Variants in MAP4 observed in about 807,000 individuals in gnomAD.
The protein encoded by MAP4 is microtubule-associated protein 4.
Under a neutral mutation model 170.2 loss-of-function variants are expected in MAP4, and 76 were observed. The observed-to-expected ratio is 0.45, with a 90% CI of 0.37 to 0.54. The LOEUF (loss-of-function observed/expected upper bound fraction) is 0.54, where lower values mean the gene tolerates loss of function less well. Ranked by LOEUF, MAP4 falls within the 20% of genes least tolerant of loss-of-function variation. The pLI is 0.00. For synonymous variants in MAP4, 909 were observed against 994.5 expected, an observed-to-expected ratio of 0.91 and a Z score of 1.62; for missense variants, 2,506 against 2,748.0, an observed-to-expected ratio of 0.91 and a Z score of 1.97.
At chr3:47,866,359 C>G (rs574377083) in intron 17 of MAP4, among the ~76,000 whole-genome samples, 233 of 148,988 alleles carry the variant, frequency 1.6e-3, no homozygotes, top group African/African-American at 5.4e-3. Flanking sequence ...AACAAACAAA[C>G]AAACAAACAA....
chr3:47,862,473 A>G (rs1470415214), intron 17 of MAP4, among the ~76,000 whole-genome samples: 1 of 150,962 alleles, frequency 6.6e-6, no homozygotes, highest in Non-Finnish European at 1.5e-5. Context: ...TATATGGATC[A>G]ATTTTTTCCT....
chr3:47,874,337 C>G lies in MAP4; in HGVS notation c.5757+1348G>C, dbSNP rs1031366230. 2.0e-5 allele frequency among the ~76,000 whole-genome samples: 3 copies of G among 152,146 alleles called. No homozygotes were observed. In the South Asian group the frequency reaches 6.2e-4, roughly 32 times the overall value. On this transcript the variant is annotated intron_variant, in intron 12 of 20. Coordinates refer to ENST00000683076, the MANE Select transcript of MAP4 (RefSeq NM_001385682.1). Reference sequence around the variant, plus strand: ...ACAAAAAATTAGCCAGGCGTGGTGGCGGGTGCCTGTAATCCCAGCTACTCG... The same window carrying G: ...ACAAAAAATTAGCCAGGCGTGGTGGGGGGTGCCTGTAATCCCAGCTACTCG...
Position 47,909,120 on chromosome 3 carries a change from G to T in MAP4, c.5301C>A (p.Pro1767=). ...MAEPMKGYMR[P]TKSRGLTPLL... ...GTGGAGTAAGTCCTCGGGACTTGGT[G>T]GGTCTCATGTAGCCTTTCATTGGTT... The change falls in exon 9 of 21, where the codon CCC becomes CCA. Residue 1767 remains proline, a synonymous_variant. Transcript: ENST00000683076. 6.2e-7 allele frequency: 1 copy of T among 1,613,850 alleles called. No individual in the cohort carries two copies. The highest frequency in any genetic ancestry group is 1.1e-5 in the South Asian group (1 of 91,068).
At chr3:47,934,222 T>A (rs560120421) in intron 3 of MAP4, among the ~76,000 whole-genome samples, 186 of 152,230 alleles carry the variant, frequency 1.2e-3, no homozygotes, top group South Asian at 7.3e-3. Context: ...ATAATTTTTT[T>A]AAAAAAGTGA....
At chr3:48,046,823 G>A (rs746804171) in intron 1 of MAP4, among the ~76,000 whole-genome samples, 6 of 152,148 alleles carry the variant, frequency 3.9e-5, no homozygotes, top group African/African-American at 7.2e-5. Flanking sequence ...AGCCGGGCGC[G>A]GTGGCTCACG....
Position 47,911,893 on chromosome 3 carries a change from C to T in MAP4, c.2528G>A (p.Arg843Lys). 6.5e-7 allele frequency: 1 copy of T among 1,536,080 alleles called. No individual in the cohort carries two copies. ...TGAGACAAAGTTCTCAGCTACCAGTCTGGCTGCACTGGAGTTAACTAAACA... is the reference window on the plus strand; with the variant it reads ...TGAGACAAAGTTCTCAGCTACCAGTTTGGCTGCACTGGAGTTAACTAAACA... ...RECLVNSSAA[R>K]LVAENFVSES... Residue 843 changes from arginine to lysine, a missense_variant, in exon 9 of 21, where the codon AGA (arginine) becomes AAA (lysine). Around this residue, in one of 3 missense-constraint regions of MAP4, gnomAD observed 2,008 missense variants for 2,206.0 expected, o/e 0.91. Coordinates refer to ENST00000683076, the MANE Select transcript of MAP4 (RefSeq NM_001385682.1). This position sits in a 1 kb window ranked among gnomAD's most constrained non-coding sequence, Gnocchi z 4.0.
At chr3:48,050,124 G>T (rs1436497244) in intron 1 of MAP4, among the ~76,000 whole-genome samples, 1 of 151,660 alleles carries the variant, frequency 6.6e-6, no homozygotes, top group Non-Finnish European at 1.5e-5. Flanking sequence ...GCTGGGCGTG[G>T]TGGCACACAC....
At chr3:47,862,679 G>A (rs1030805852) in intron 17 of MAP4, among the ~76,000 whole-genome samples, 14 of 152,026 alleles carry the variant, frequency 9.2e-5, no homozygotes, top group Non-Finnish European at 1.3e-4. Flanking sequence ...GGGTTTCACC[G>A]TGTTAGCCAG....
At chr3:48,040,897 G>C (rs1287408034) in intron 1 of MAP4, among the ~76,000 whole-genome samples, 1 of 151,732 alleles carries the variant, frequency 6.6e-6, no homozygotes, top group Non-Finnish European at 1.5e-5. Context: ...ACGGGGTTTT[G>C]CCGTTGTTAG....
At chr3:47,900,408 A>G (rs184788839) in intron 10 of MAP4, among the ~76,000 whole-genome samples, 2 of 152,336 alleles carry the variant, frequency 1.3e-5, no homozygotes, top group African/African-American at 4.8e-5. Context: ...ATAATCTGAT[A>G]TATGTGAACC....
intron 2 of MAP4, among the ~76,000 whole-genome samples, chr3:47,979,792 C>T (rs34170328): frequency 0.27 from 41,355 of 151,692 alleles, 6,374 homozygotes; most frequent in Admixed American, 0.32. Context: ...ATGAGCCCTC[C>T]AACTTGAGTC....
chr3:48,055,083 C>A (rs1401280986), intron 1 of MAP4, among the ~76,000 whole-genome samples: 2 of 152,210 alleles, frequency 1.3e-5, no homozygotes, highest in African/African-American at 4.8e-5. Flanking sequence ...GGAATTTCAT[C>A]CCTGCAGACC....
rs1177959374 is a variant in MAP4, at chr3:47,912,075, T to C, written c.2346A>G (p.Gln782=). The C allele has an allele frequency of 5.9e-6, 9 of 1,536,068 alleles. No homozygotes were observed. The Admixed American group carries it at 1.2e-4, about 20-fold the overall frequency. ...CATCCGAAGGTCCTCCAGCCCGTGG[T>C]TGAGAATATCTCTTTTGCTTTGGTT... The part of the protein sequence containing the change: ...KKKPKQKRYS[Q]PRAGGPSDDD... Residue 782 remains glutamine (Q), a synonymous_variant, in exon 9 of 21, where the codon CAA becomes CAG. Transcript: ENST00000683076.
At chr3:47,860,745 C>T (rs1559789378) in intron 17 of MAP4, among the ~76,000 whole-genome samples, 1 of 152,086 alleles carries the variant, frequency 6.6e-6, no homozygotes, top group Non-Finnish European at 1.5e-5. Flanking sequence ...TAATTTCTCA[C>T]AGAATAAACC....
intron 3 of MAP4, among the ~76,000 whole-genome samples, chr3:47,930,541 G>A (rs145456699): frequency 2.8e-4 from 42 of 151,998 alleles, no homozygotes; most frequent in African/African-American, 9.9e-4. Context: ...CATAGACTTC[G>A]AGAAATATCT....
intron 3 of MAP4, among the ~76,000 whole-genome samples, chr3:47,930,804 C>T (rs1443559500): frequency 6.6e-6 from 1 of 151,750 alleles, no homozygotes; most frequent in Non-Finnish European, 1.5e-5. Flanking sequence ...TGGAGGATGC[C>T]TGTAGTCCCA....
Position 47,980,367 on chromosome 3 carries a change from G to T in MAP4, c.224-2434C>A, listed in dbSNP as rs2100084776. ...CACCTTGCTGACCGAAGAATTCAGA[G>T]ATATTATTCCTAAGACAATAAGTGA... On this transcript the variant is annotated intron_variant, in intron 2 of 20. Transcript: ENST00000683076. Among the ~76,000 whole-genome samples, 3 of 152,110 alleles carry T rather than the reference G, an allele frequency of 2.0e-5. No individual in the cohort carries two copies. The South Asian group carries it at 6.2e-4, about 32-fold the overall frequency.
At chr3:47,966,815 T>C (rs2100075361) in intron 3 of MAP4, among the ~76,000 whole-genome samples, 1 of 152,246 alleles carries the variant, frequency 6.6e-6, no homozygotes. Flanking sequence ...TTTCTGGGCT[T>C]TCCATTCCGT....
At chr3:48,006,840 G>A (rs2100102621) in intron 1 of MAP4, among the ~76,000 whole-genome samples, 1 of 152,190 alleles carries the variant, frequency 6.6e-6, no homozygotes, top group African/African-American at 2.4e-5. Flanking sequence ...GACTCCAATT[G>A]CTGCTGCTGT....
Sources: gnomAD v4.1 joint callset for allele counts (sites outside exome capture counted in the v4.1 genomes callset) on GRCh38, gnomAD v4.1.1 for gene constraint, gnomAD v4.1.1 regional missense constraint, Gnocchi (gnomAD v3.1) non-coding constraint, MANE v1.5 for transcripts, NCBI Gene and HGNC (gene_info 2026-07-23, HGNC 2026-07-21) for gene names.